Variants in SNX25 observed in about 807,000 individuals in gnomAD.
SNX25 encodes the protein sorting nexin 25.
Under a neutral mutation model 113.7 loss-of-function variants are expected in SNX25, and 62 were observed. The observed-to-expected ratio is 0.55, with a 90% CI of 0.44 to 0.67. SNX25 has a LOEUF of 0.67. Among genes scored for constraint, SNX25 ranks in the 30% least tolerant of loss-of-function variants. The probability of loss-of-function intolerance (pLI) is 0.00; values close to 1 mark genes in which losing one functional copy is unlikely to be tolerated. For synonymous variants in SNX25, 421 were observed against 436.2 expected (o/e 0.97, Z 0.43); for missense variants, 1,014 against 1,161.0 (o/e 0.87, Z 1.84).
chr4:185,300,074 G>A (rs1347041197), intron 6 of SNX25, among the ~76,000 whole-genome samples: 1 of 152,182 alleles, frequency 6.6e-6, no homozygotes, highest in Non-Finnish European at 1.5e-5. Flanking sequence ...AATTAGAACT[G>A]TAGAATATGT....
intron 1 of SNX25, among the ~76,000 whole-genome samples, chr4:185,239,351 T>C (rs183621090): frequency 0.031 from 4,694 of 151,746 alleles, 150 homozygotes; most frequent in African/African-American, 0.083. Flanking sequence ...GGCGTGGTGG[T>C]GGGCACCTGT....
intron 1 of SNX25, among the ~76,000 whole-genome samples, chr4:185,239,291 G>A (rs540828305): frequency 4.0e-5 from 6 of 151,810 alleles, no homozygotes; most frequent in Non-Finnish European, 7.4e-5. Flanking sequence ...AGACCATCCT[G>A]GCCAACACGG....
chr4:185,298,527 A>G (rs371010896), intron 6 of SNX25, among the ~76,000 whole-genome samples: 11 of 151,996 alleles, frequency 7.2e-5, no homozygotes. Context: ...AAAACTCATC[A>G]TTGTCTTCCC....
At chr4:185,239,239 T>A (rs13130325) in intron 1 of SNX25, among the ~76,000 whole-genome samples, 22 of 149,022 alleles carry the variant, frequency 1.5e-4, no homozygotes, top group African/African-American at 5.1e-4. Flanking sequence ...CCCAGCACTT[T>A]GGGAGGCCAA....
chr4:185,353,231 A>G (rs960960658), intron 14 of SNX25: 4 of 327,824 alleles, frequency 1.2e-5, no homozygotes, highest in African/African-American at 2.1e-5. Flanking sequence ...TTTATTGTCT[A>G]TTAATTCACT....
intron 6 of SNX25, among the ~76,000 whole-genome samples, chr4:185,302,575 T>A (rs1394026097): frequency 6.6e-6 from 1 of 152,090 alleles, no homozygotes; most frequent in Non-Finnish European, 1.5e-5. Flanking sequence ...GCAGTTGGAG[T>A]TGGGTTTTCC....
intron 1 of SNX25, among the ~76,000 whole-genome samples, chr4:185,237,927 G>A (rs1318490178): frequency 6.6e-6 from 1 of 151,620 alleles, no homozygotes; most frequent in African/African-American, 2.4e-5. Flanking sequence ...GCCGGGCGTG[G>A]TGGCACGTAC....
At chr4:185,257,718 A>C (rs1309921086) in intron 2 of SNX25, among the ~76,000 whole-genome samples, 1 of 151,908 alleles carries the variant, frequency 6.6e-6, no homozygotes, top group Non-Finnish European at 1.5e-5. Flanking sequence ...TGTCTTCTAG[A>C]AAACTTAAAA....
At chr4:185,250,388 A>G (rs1745469683) in intron 2 of SNX25, among the ~76,000 whole-genome samples, 1 of 152,146 alleles carries the variant, frequency 6.6e-6, no homozygotes, top group Non-Finnish European at 1.5e-5. Flanking sequence ...TTACCCCTAT[A>G]CATGTGTAGT....
chr4:185,358,770 G>C (rs2095349891), intron 16 of SNX25, among the ~76,000 whole-genome samples: 1 of 152,104 alleles, frequency 6.6e-6, no homozygotes, highest in African/African-American at 2.4e-5. Context: ...TAAACATTAT[G>C]ATTTCCTGCA....
At chr4:185,376,566 T>C in the SNX25 span, among the ~76,000 whole-genome samples, 2 of 151,874 alleles carry the variant, frequency 1.3e-5, no homozygotes, top group South Asian at 4.2e-4. Context: ...AGTACTGGGA[T>C]TACAGGCGTG....
At chr4:185,257,181 A>T (rs866130205) in intron 2 of SNX25, among the ~76,000 whole-genome samples, 6 of 151,972 alleles carry the variant, frequency 3.9e-5, no homozygotes, top group Middle Eastern at 6.8e-3. Flanking sequence ...AAAGTGAAAA[A>T]AAAAAAAAAA....
intron 6 of SNX25, among the ~76,000 whole-genome samples, chr4:185,310,351 TACAC>T (rs1029037232): frequency 6.6e-6 from 1 of 152,224 alleles, no homozygotes; most frequent in African/African-American, 2.4e-5. Context: ...TGTTAAAGAA[TACAC>T]ACACAGATTT....
chr4:185,261,861 A>G (rs1162237804), intron 3 of SNX25, among the ~76,000 whole-genome samples: 1 of 152,224 alleles, frequency 6.6e-6, no homozygotes, highest in Non-Finnish European at 1.5e-5. Flanking sequence ...TGGATTATGG[A>G]TATTTGAAAA....
intron 5 of SNX25, among the ~76,000 whole-genome samples, chr4:185,276,523 G>A (rs938316342): frequency 6.6e-6 from 1 of 152,182 alleles, no homozygotes; most frequent in Non-Finnish European, 1.5e-5. Flanking sequence ...AATGGAGAAC[G>A]TGGCCTATAT....
chr4:185,298,381 A>T lies in SNX25; in HGVS notation c.1162+10299A>T, dbSNP rs139431940. Reference sequence around the variant, plus strand: ...TCGGATTACAGGCATGAGCCACCACACCTGACCTATAGTAACTTCTTAATT... The same window carrying T: ...TCGGATTACAGGCATGAGCCACCACTCCTGACCTATAGTAACTTCTTAATT... On this transcript the variant is annotated intron_variant, in intron 6 of 18. Transcript: ENST00000652585. Among the ~76,000 whole-genome samples the T allele has an allele frequency of 7.1e-3, 1,084 of 152,092 alleles. 15 individuals carry two copies. The highest frequency in any genetic ancestry group is 0.025 in the African/African-American group (1,041 of 41,510).
intron 15 of SNX25, 105 bp downstream of exon 15, chr4:185,353,707 C>A: frequency 1.1e-6 from 1 of 927,356 alleles, no homozygotes; most frequent in Non-Finnish European, 1.8e-6. Context: ...ATGCATCAGA[C>A]ATGTATTTAT....
At chr4:185,320,685 C>A in intron 7 of SNX25, 48 bp from the exon 8 acceptor site, 1 of 1,355,350 alleles carries the variant, frequency 7.4e-7, no homozygotes, top group South Asian at 2.0e-5. Flanking sequence ...AGCAAACTGA[C>A]ATTTAAAATT....
downstream of SNX25, chr4:185,374,453 C>T (rs759075930): frequency 1.9e-6 from 3 of 1,605,382 alleles, no homozygotes; most frequent in East Asian, 4.5e-5. Context: ...TATAGTCCAC[C>T]CCTTTCTCCT....
Sources: gnomAD v4.1 joint callset for allele counts (sites outside exome capture counted in the v4.1 genomes callset) on GRCh38, gnomAD v4.1.1 for gene constraint, MANE v1.5 for transcripts, NCBI Gene and HGNC (gene_info 2026-07-23, HGNC 2026-07-21) for gene names.